The following PHF21B variants were observed in gnomAD, a reference collection of about 807,000 sequenced individuals.
The protein encoded by PHF21B is PHD finger protein 4.
PHF21B carries 22 observed loss-of-function variants against 62.2 expected under a neutral mutation model. The ratio of observed to expected loss-of-function variants is 0.35; its 90% confidence interval spans 0.25 to 0.51. The LOEUF is 0.51. PHF21B is among the 20% of genes least tolerant of loss of function. PHF21B has a pLI of 0.97. For synonymous variants in PHF21B, 341 were observed against 314.7 expected (o/e 1.08, Z -0.88); for missense variants, 701 against 707.9 (o/e 0.99, Z 0.11).
At chr22:44,888,334 C>T (rs952242906) in intron 9 of PHF21B, among the ~76,000 whole-genome samples, 1 of 152,190 alleles carries the variant, frequency 6.6e-6, no homozygotes, top group Admixed American at 6.5e-5. Flanking sequence ...GGGGCACCCA[C>T]AGGGCCAGAT....
rs1308061514 is a variant in PHF21B at position 44,938,623 on chromosome 22, G to A, written c.121-18133C>T. ...GGGCAGCTAGAGGAGCCCAGCTGGTGCACAGACCTATGCCCTCTCAGGGGC... is the reference window on the plus strand; with the variant it reads ...GGGCAGCTAGAGGAGCCCAGCTGGTACACAGACCTATGCCCTCTCAGGGGC... On this transcript the variant is annotated intron_variant, in intron 2 of 12. Transcript: ENST00000313237. Among the ~76,000 whole-genome samples the A allele has an allele frequency of 2.6e-5, 4 of 152,366 alleles. No homozygotes were observed. The East Asian group carries it at 7.7e-4, about 29-fold the overall frequency.
At chr22:44,956,361 G>A (rs939205440) in intron 2 of PHF21B, among the ~76,000 whole-genome samples, 12 of 152,180 alleles carry the variant, frequency 7.9e-5, no homozygotes, top group African/African-American at 2.9e-4. Flanking sequence ...TTACCCTGAC[G>A]AGTGTATCTT....
chr22:45,008,969 T>C, intron 1 of PHF21B: 1 of 1,077,598 alleles, frequency 9.3e-7, no homozygotes, highest in Non-Finnish European at 1.1e-6. Flanking sequence ...ACACGGCGAG[T>C]CCGTGTCGAG....
chr22:44,959,854 C>A (rs2072381558), intron 2 of PHF21B, among the ~76,000 whole-genome samples: 1 of 152,190 alleles, frequency 6.6e-6, no homozygotes, highest in Non-Finnish European at 1.5e-5. Flanking sequence ...GAGATGCAAG[C>A]ACAGGACCCA....
At chr22:44,976,313 T>C (rs2072737793) in intron 2 of PHF21B, among the ~76,000 whole-genome samples, 1 of 152,230 alleles carries the variant, frequency 6.6e-6, no homozygotes. Flanking sequence ...TATTTCTTTG[T>C]GGTGAGAACA....
intron 2 of PHF21B, among the ~76,000 whole-genome samples, chr22:44,949,010 G>C (rs2072136374): frequency 6.6e-6 from 1 of 152,244 alleles, no homozygotes; most frequent in Non-Finnish European, 1.5e-5. Flanking sequence ...TCTTTTGAAA[G>C]CTGAGGTAGG....
chr22:44,914,222 G>C (rs1251226670), intron 4 of PHF21B, 134 bp from the exon 5 acceptor site: 2 of 568,298 alleles, frequency 3.5e-6, no homozygotes, highest in Non-Finnish European at 6.3e-6. Context: ...GCGGATCCCC[G>C]GGAACTGGGT....
intron 2 of PHF21B, among the ~76,000 whole-genome samples, chr22:45,007,706 C>A (rs191848047): frequency 8.2e-6 from 1 of 121,564 alleles, no homozygotes; most frequent in African/African-American, 2.9e-5. Flanking sequence ...GGTGTGCGAG[C>A]GCGGGGAAGG....
At chr22:44,895,913 G>C in intron 6 of PHF21B, 119 bp downstream of exon 6, 1 of 1,091,592 alleles carries the variant, frequency 9.2e-7, no homozygotes, top group Non-Finnish European at 1.4e-6. Flanking sequence ...GTGAGGCCAC[G>C]CTCCACCCAT....
At chr22:44,930,643 C>T (rs1216597281) in intron 2 of PHF21B, among the ~76,000 whole-genome samples, 1 of 152,168 alleles carries the variant, frequency 6.6e-6, no homozygotes, top group African/African-American at 2.4e-5. Flanking sequence ...CAAAGGTGGA[C>T]AGTGAAGGAG....
rs986492600 is a variant in PHF21B at position 44,882,507 on chromosome 22, G to A, written c.*579C>T. ...ATAATACTGACAGAAAGGGGCCCAG[G>A]TGGTTCTGCAAAGGCGACGGAGTGC... is the stretch of plus-strand genomic sequence containing the variant. On this transcript the variant is annotated 3_prime_UTR_variant, in exon 13 of 13. Coordinates refer to ENST00000313237, the MANE Select transcript of PHF21B (RefSeq NM_138415.5). 6.5e-6 allele frequency: 1 copy of A among 153,246 alleles called. No individual in the cohort carries two copies. The highest frequency in any genetic ancestry group is 2.4e-5 in the African/African-American group (1 of 41,462). The allele number at this position is 153,246 out of a possible 1,614,324, so 9.5% of individuals were successfully genotyped here. A position where few individuals can be genotyped will look rare whatever the true frequency, so the allele number is the denominator to read the frequency against.
In PHF21B at chr22:44,940,681, G is replaced by A. The variant is rs147825232; in HGVS notation, c.121-20191C>T. ...ATAACTGGGAGGGAGGGACTTCTGT[G>A]AAGCACCTGCTTCCCCACCTAGAAG... On this transcript the variant is annotated intron_variant, in intron 2 of 12. Coordinates refer to ENST00000313237, the MANE Select transcript of PHF21B (RefSeq NM_138415.5). Among the ~76,000 whole-genome samples, 242 of 152,340 alleles carry A rather than the reference G, an allele frequency of 1.6e-3. 2 individuals are homozygous for A. Among genetic ancestry groups the A allele is most frequent in the African/African-American group, 5.6e-3 (233 of 41,574 alleles).
At chr22:44,921,179 T>C (rs1041851647) in intron 2 of PHF21B, among the ~76,000 whole-genome samples, 5 of 152,132 alleles carry the variant, frequency 3.3e-5, no homozygotes, top group East Asian at 1.9e-4. Flanking sequence ...CAACACACGA[T>C]GGGATGGCAG....
At chr22:44,954,868 G>A (rs1205304013) in intron 2 of PHF21B, among the ~76,000 whole-genome samples, 1 of 152,224 alleles carries the variant, frequency 6.6e-6, no homozygotes, top group Admixed American at 6.5e-5. Flanking sequence ...TTTGAAGGAA[G>A]AGGCAAATCT....
At chr22:44,990,021 C>CGGGCT (rs761330621) in intron 2 of PHF21B, among the ~76,000 whole-genome samples, 26 of 152,238 alleles carry the variant, frequency 1.7e-4, no homozygotes, top group Non-Finnish European at 3.2e-4. Flanking sequence ...AAGGGGCCAA[C>CGGGCT]GGGCTCCGTG....
At chr22:44,941,605 C>T (rs558293107) in intron 2 of PHF21B, among the ~76,000 whole-genome samples, 3 of 152,214 alleles carry the variant, frequency 2.0e-5, no homozygotes, top group East Asian at 1.9e-4. Flanking sequence ...TGTGAGACGC[C>T]ACCAACCCCA....
intron 7 of PHF21B, 135 bp downstream of exon 7, chr22:44,893,322 C>CA: frequency 1.3e-6 from 1 of 741,010 alleles, no homozygotes; most frequent in East Asian, 2.7e-5. Context: ...GGTCACCCCC[C>CA]AGCCCCACTC....
In PHF21B at chr22:44,885,678, G is replaced by A; in HGVS notation, c.1274-149C>T. The A allele has an allele frequency of 6.9e-6, 7 of 1,016,654 alleles. No homozygotes were observed. The East Asian group carries it at 1.8e-4, about 26-fold the overall frequency. 63.0% of individuals were successfully genotyped at this position (1,016,654 alleles called of 1,614,324 possible). A position where few individuals can be genotyped will look rare whatever the true frequency, so the allele number is the denominator to read the frequency against. ...GCTGTGGCCAAATGCACAGGACCTG[G>A]AGCCACTCTCCCCTGGCCACACCTG... is the stretch of plus-strand genomic sequence containing the variant. On this transcript the variant is annotated intron_variant, in intron 11 of 12. Transcript: ENST00000313237.
Position 44,882,085 on chromosome 22 carries a change from C to T in PHF21B, c.*1001G>A, listed in dbSNP as rs1411129576. 1 of 152,734 alleles carries T rather than the reference C, an allele frequency of 6.5e-6. No individual in the cohort carries two copies. Among genetic ancestry groups the T allele is most frequent in the Non-Finnish European group, 1.5e-5 (1 of 68,054 alleles). 9.5% of individuals were successfully genotyped at this position (152,734 alleles called of 1,614,324 possible). A position where few individuals can be genotyped will look rare whatever the true frequency, so the allele number is the denominator to read the frequency against. ...CCAACCATTCACATTAAATATCTCA[C>T]AATAAAAACGCCATACAAAAGTGTG... On this transcript the variant is annotated 3_prime_UTR_variant, in exon 13 of 13. Coordinates refer to ENST00000313237, the MANE Select transcript of PHF21B (RefSeq NM_138415.5).
Sources: allele counts gnomAD v4.1 joint callset (sites outside exome capture counted in the v4.1 genomes callset), GRCh38; gene constraint gnomAD v4.1.1; transcripts MANE v1.5; gene names NCBI Gene and HGNC (gene_info 2026-07-23, HGNC 2026-07-21).